Variants in CAMK4 observed in about 807,000 individuals in gnomAD.
The protein encoded by CAMK4 is calcium/calmodulin-dependent protein kinase type IV.
A neutral mutation model predicts 44.9 loss-of-function variants in CAMK4; 22 were observed. The ratio of observed to expected loss-of-function variants is 0.49; its 90% CI spans 0.35 to 0.70. The LOEUF (loss-of-function observed/expected upper bound fraction) is 0.70, where lower values mean the gene tolerates loss of function less well. CAMK4 is among the 30% of genes least tolerant of loss of function. CAMK4 has a pLI of 0.01. For synonymous variants in CAMK4, 218 were observed against 215.4 expected (o/e 1.01, Z -0.11); for missense variants, 498 against 586.8 (o/e 0.85, Z 1.56).
At chr5:111,299,432 C>T (rs569031003) in intron 1 of CAMK4, among the ~76,000 whole-genome samples, 15 of 152,302 alleles carry the variant, frequency 9.8e-5, no homozygotes, top group South Asian at 6.2e-4. Context: ...TCACCACCCC[C>T]GCTTGGACCT....
intron 4 of CAMK4, among the ~76,000 whole-genome samples, chr5:111,393,627 G>C (rs1315638107): frequency 6.6e-6 from 1 of 152,084 alleles, no homozygotes; most frequent in Non-Finnish European, 1.5e-5. Flanking sequence ...ACTAACGCAG[G>C]AACAGAAAAC....
intron 7 of CAMK4, among the ~76,000 whole-genome samples, chr5:111,454,044 GCT>G (rs776665971): frequency 3.9e-5 from 6 of 152,068 alleles, no homozygotes; most frequent in Non-Finnish European, 8.8e-5. Flanking sequence ...GGAGAGACAG[GCT>G]CTCTGCAACC....
intron 7 of CAMK4, among the ~76,000 whole-genome samples, chr5:111,467,844 A>C (rs1393499080): frequency 1.3e-5 from 2 of 152,078 alleles, no homozygotes; most frequent in Non-Finnish European, 2.9e-5. Context: ...CAGCAATCCC[A>C]CTACTGGATA....
At chr5:111,362,769 A>C (rs1248366230) in intron 2 of CAMK4, among the ~76,000 whole-genome samples, 1 of 151,996 alleles carries the variant, frequency 6.6e-6, no homozygotes, top group African/African-American at 2.4e-5. Flanking sequence ...AAATATGAGG[A>C]GTAAAGACCC....
At chr5:111,342,521 T>A (rs940630057) in intron 1 of CAMK4, among the ~76,000 whole-genome samples, 1 of 150,378 alleles carries the variant, frequency 6.6e-6, no homozygotes, top group African/African-American at 2.4e-5. Context: ...GCCTATATAT[T>A]TAAAATGAGT....
intron 1 of CAMK4, among the ~76,000 whole-genome samples, chr5:111,245,166 A>G (rs1304487391): frequency 2.0e-5 from 3 of 152,264 alleles, no homozygotes; most frequent in East Asian, 1.9e-4. Flanking sequence ...TATTGATTCC[A>G]TAAGTTATTT....
At chr5:111,351,722 AT>A in intron 2 of CAMK4, among the ~76,000 whole-genome samples, 1 of 152,106 alleles carries the variant, frequency 6.6e-6, no homozygotes, top group South Asian at 2.1e-4. Flanking sequence ...ACAACTTGGA[AT>A]TTTAAGTCAC....
chr5:111,262,403 T>G (rs1750028959), intron 1 of CAMK4, among the ~76,000 whole-genome samples: 1 of 152,178 alleles, frequency 6.6e-6, no homozygotes, highest in Non-Finnish European at 1.5e-5. Flanking sequence ...CTATCTTTCT[T>G]GATTACATGT....
chr5:111,236,063 A>G (rs933478369), intron 1 of CAMK4, among the ~76,000 whole-genome samples: 3 of 152,212 alleles, frequency 2.0e-5, no homozygotes, highest in African/African-American at 7.2e-5. Context: ...TCATTTGTAA[A>G]GTGAAGATTG....
At chr5:111,433,968 G>C (rs1490237218) in intron 5 of CAMK4, among the ~76,000 whole-genome samples, 1 of 152,106 alleles carries the variant, frequency 6.6e-6, no homozygotes, top group Non-Finnish European at 1.5e-5. Flanking sequence ...AAGATGACCT[G>C]GTGTTTGGAT....
At chr5:111,279,075 A>C (rs1750895013) in intron 1 of CAMK4, among the ~76,000 whole-genome samples, 1 of 152,168 alleles carries the variant, frequency 6.6e-6, no homozygotes, top group South Asian at 2.1e-4. Context: ...GAATTTTGCA[A>C]CACAGGGCCT....
At chr5:111,477,952 C>T (rs1260744892) in intron 8 of CAMK4, among the ~76,000 whole-genome samples, 1 of 151,982 alleles carries the variant, frequency 6.6e-6, no homozygotes, top group Non-Finnish European at 1.5e-5. Flanking sequence ...CCAGCTCTTC[C>T]CTTTCACACT....
At chr5:111,404,363 T>C (rs1752340017) in intron 5 of CAMK4, among the ~76,000 whole-genome samples, 1 of 152,176 alleles carries the variant, frequency 6.6e-6, no homozygotes, top group Non-Finnish European at 1.5e-5. Context: ...TCAGTTCTTA[T>C]CTGGAGAAAG....
intron 5 of CAMK4, among the ~76,000 whole-genome samples, chr5:111,410,689 G>T (rs960364115): frequency 2.0e-5 from 3 of 152,088 alleles, no homozygotes; most frequent in Admixed American, 6.6e-5. Flanking sequence ...TGATGTCTTT[G>T]ACCCATAAAA....
intron 2 of CAMK4, among the ~76,000 whole-genome samples, chr5:111,372,021 C>G (rs976227354): frequency 2.6e-5 from 4 of 152,130 alleles, no homozygotes; most frequent in African/African-American, 9.7e-5. Context: ...AAAAGAGTTT[C>G]TAGGCAAAAT....
rs1239524158 is a variant in CAMK4, at chr5:111,456,604, A to T, written c.625+7401A>T. ...TTTAAATAGTTTTTTAGATTTTTAAACTTACTAAATATGAATGTGATAGTT... is the reference window on the plus strand; with the variant it reads ...TTTAAATAGTTTTTTAGATTTTTAATCTTACTAAATATGAATGTGATAGTT... On this transcript the variant is annotated intron_variant, in intron 7 of 10. Coordinates refer to ENST00000282356, the MANE Select transcript of CAMK4 (RefSeq NM_001744.6). Among the ~76,000 whole-genome samples the T allele has an allele frequency of 2.0e-5, 3 of 152,182 alleles. No homozygotes were observed. The East Asian group carries it at 5.8e-4, about 29-fold the overall frequency.
At chr5:111,444,998 GT>G (rs1753976129) in intron 5 of CAMK4, among the ~76,000 whole-genome samples, 1 of 152,210 alleles carries the variant, frequency 6.6e-6, no homozygotes, top group African/African-American at 2.4e-5. Context: ...GTTTGTGTGA[GT>G]GAAAATTGAT....
Position 111,491,329 on chromosome 5 carries a change from G to A in CAMK4, c.*6863G>A, listed in dbSNP as rs2112519335. 1 of 152,130 alleles carries A rather than the reference G, an allele frequency of 6.6e-6. No homozygotes were observed. The highest frequency in any genetic ancestry group is 2.4e-5 in the African/African-American group (1 of 41,508). The allele number at this position is 152,130 out of a possible 1,614,324, so 9.4% of individuals were successfully genotyped here. On this transcript the variant is annotated 3_prime_UTR_variant, in exon 11 of 11. Transcript: ENST00000282356. Reference sequence around the variant, plus strand: ...CCATATGGACTGCAAAGCCTAAAATGTGTATCTGGACCCTTACAGTAAAAC... The same window carrying A: ...CCATATGGACTGCAAAGCCTAAAATATGTATCTGGACCCTTACAGTAAAAC...
chr5:111,475,005 T>C (rs1223172697), intron 8 of CAMK4, among the ~76,000 whole-genome samples: 1 of 151,912 alleles, frequency 6.6e-6, no homozygotes, highest in African/African-American at 2.4e-5. Context: ...CTACTAAAAA[T>C]ATAAAAAATT....
Sources: gnomAD v4.1 joint callset for allele counts (sites outside exome capture counted in the v4.1 genomes callset) on GRCh38, gnomAD v4.1.1 for gene constraint, MANE v1.5 for transcripts, NCBI Gene and HGNC (gene_info 2026-07-23, HGNC 2026-07-21) for gene names.